The following HEATR3 variants were observed in gnomAD, a reference collection of about 807,000 sequenced individuals.
The protein encoded by HEATR3 is HEAT repeat-containing protein 3.
A neutral mutation model predicts 72.8 loss-of-function variants in HEATR3; 56 were observed. The ratio of observed to expected loss-of-function variants is 0.77; its 90% confidence interval spans 0.62 to 0.96. The LOEUF (loss-of-function observed/expected upper bound fraction) is 0.96. HEATR3 is among the 40% of genes least tolerant of loss of function. HEATR3 has a pLI of 0.00. For synonymous variants in HEATR3, 331 were observed against 318.1 expected (o/e 1.04, Z -0.43); for missense variants, 747 against 831.4 (o/e 0.90, Z 1.25).
intron 11 of HEATR3, among the ~76,000 whole-genome samples, chr16:50,091,540 A>G (rs2037111255): frequency 6.6e-6 from 1 of 152,102 alleles, no homozygotes; most frequent in African/African-American, 2.4e-5. Flanking sequence ...TTGTGGGTTG[A>G]TGATGTACCT....
intron 11 of HEATR3, among the ~76,000 whole-genome samples, chr16:50,092,923 T>C (rs575965167): frequency 5.3e-5 from 8 of 152,310 alleles, no homozygotes; most frequent in African/African-American, 1.2e-4. Context: ...CAGAATGATA[T>C]GAGGCGTTAC....
chr16:50,105,059 TAAAC>T lies in HEATR3; in HGVS notation c.*1_*4del, dbSNP rs777013978. ...AACTGTTGAGAAAAGACTGACTTCTTAAACAATCCAAAAAAGAAACCAGTTCTTC... is the reference window on the plus strand; with the variant it reads ...AACTGTTGAGAAAAGACTGACTTCTTAATCCAAAAAAGAAACCAGTTCTTC... On this transcript the variant is annotated stop_retained_variant and 3_prime_UTR_variant, in exon 15 of 15. Coordinates refer to ENST00000299192, the MANE Select transcript of HEATR3 (RefSeq NM_182922.4). 1.8e-5 allele frequency: 29 copies of T among 1,608,596 alleles called. No homozygotes were observed. The highest frequency in any genetic ancestry group is 2.3e-5 in the Non-Finnish European group (27 of 1,178,800).
At chr16:50,085,335 A>G (rs2036965689) in intron 10 of HEATR3, among the ~76,000 whole-genome samples, 1 of 152,188 alleles carries the variant, frequency 6.6e-6, no homozygotes, top group Non-Finnish European at 1.5e-5. Flanking sequence ...ACAATTAAAA[A>G]TAATTTTAGG....
rs112399980 is a variant in HEATR3 at position 50,084,104 on chromosome 16, C to A, written c.1133-30C>A. On this transcript the variant is annotated intron_variant, in intron 8 of 14. Transcript: ENST00000299192. Reference sequence around the variant, plus strand: ...TCCCGTGGAGATTTTCTTAACTATTCCAGTTCTGCGTGGTTTGCCCGCTTC... The same window carrying A: ...TCCCGTGGAGATTTTCTTAACTATTACAGTTCTGCGTGGTTTGCCCGCTTC... 181 of 1,614,092 alleles carry A rather than the reference C, an allele frequency of 1.1e-4. No individual in the cohort carries two copies. In the African/African-American group the frequency reaches 1.9e-3, roughly 17 times the overall value.
intron 14 of HEATR3, among the ~76,000 whole-genome samples, chr16:50,103,340 G>T (rs555336257): frequency 1.3e-5 from 2 of 152,318 alleles, no homozygotes; most frequent in South Asian, 2.1e-4. Context: ...AAGGTATAAA[G>T]CTCTAATGAG....
intron 10 of HEATR3, among the ~76,000 whole-genome samples, chr16:50,085,980 A>T (rs1044109779): frequency 1.3e-5 from 2 of 152,048 alleles, no homozygotes; most frequent in African/African-American, 2.4e-5. Flanking sequence ...GCGAGCTGTG[A>T]TCACACCACT....
intron 11 of HEATR3, among the ~76,000 whole-genome samples, chr16:50,093,596 T>C (rs943027296): frequency 6.6e-6 from 1 of 152,208 alleles, no homozygotes; most frequent in African/African-American, 2.4e-5. Context: ...TGAAGAATTA[T>C]CTGGTCCAAA....
intron 11 of HEATR3, among the ~76,000 whole-genome samples, chr16:50,093,890 A>G (rs1419467886): frequency 6.6e-6 from 1 of 152,214 alleles, no homozygotes; most frequent in Non-Finnish European, 1.5e-5. Context: ...GTCACTTTGT[A>G]TTCTGTTGGT....
intron 12 of HEATR3, 69 bp downstream of exon 12, chr16:50,094,862 T>C: frequency 1.3e-6 from 1 of 789,740 alleles, no homozygotes; most frequent in Non-Finnish European, 2.1e-6. Context: ...AATTCATTAC[T>C]TCACTATTTT....
intron 2 of HEATR3, 80 bp from the exon 3 acceptor site, chr16:50,068,700 A>G (rs1057276238): frequency 4.1e-6 from 4 of 973,396 alleles, no homozygotes; most frequent in Non-Finnish European, 5.8e-6. Context: ...AAATATGGCT[A>G]AAAATAGAAA....
At chr16:50,081,295 G>C (rs1368261361) in intron 7 of HEATR3, among the ~76,000 whole-genome samples, 1 of 151,974 alleles carries the variant, frequency 6.6e-6, no homozygotes, top group Non-Finnish European at 1.5e-5. Flanking sequence ...CAAAAATTAG[G>C]TAGGTGTGGT....
chr16:50,084,445 C>A, intron 9 of HEATR3, 124 bp from the exon 10 acceptor site: 1 of 1,135,662 alleles, frequency 8.8e-7, no homozygotes. Context: ...TGGAAATAGG[C>A]GAAAAGGTCA....
At position 50,094,741 on chromosome 16, in the gene HEATR3, G is replaced by A. The variant is rs759001155; in HGVS notation, c.1547G>A (p.Ser516Asn). Residue 516 changes from serine (S) to asparagine (N), a missense_variant, in exon 12 of 15, where the codon AGT becomes AAT. Physicochemically the swap from Ser to Asn is conservative, Grantham distance 46 (BLOSUM62 1). Around this residue, in one of 2 missense-constraint regions of HEATR3, gnomAD observed 586 missense variants for 708.8 expected, o/e 0.83. Transcript: ENST00000299192. ...CATGTTGACTTTCTAGAAGCCATAAGTAGTGCTTTGAGGGCCCTTTTGCAA... is the reference window on the plus strand; with the variant it reads ...CATGTTGACTTTCTAGAAGCCATAAATAGTGCTTTGAGGGCCCTTTTGCAA... ...AKHVDFLEAI[S>N]SALRALLQTM... The A allele has an allele frequency of 3.1e-6, 5 of 1,593,788 alleles. No individual in the cohort carries two copies. The highest frequency in any genetic ancestry group is 1.8e-4 in the Middle Eastern group (1 of 5,500).
chr16:50,081,685 T>A (rs977672921), intron 7 of HEATR3, among the ~76,000 whole-genome samples: 2 of 152,172 alleles, frequency 1.3e-5, no homozygotes, highest in Non-Finnish European at 2.9e-5. Flanking sequence ...CTATCCAGTG[T>A]CTTCTGCAGC....
intron 4 of HEATR3, among the ~76,000 whole-genome samples, chr16:50,071,704 G>GTAGA (rs1379581498): frequency 6.6e-6 from 1 of 152,146 alleles, no homozygotes; most frequent in Non-Finnish European, 1.5e-5. Flanking sequence ...AGGTAGGTAG[G>GTAGA]TAGATAGAAG....
chr16:50,074,277 G>T (rs1013191183), intron 5 of HEATR3: 2 of 151,988 alleles, frequency 1.3e-5, no homozygotes, highest in East Asian at 1.9e-4. Context: ...AAGGAAGCCA[G>T]ACGTCCCAAA....
chr16:50,097,658 T>TA (rs1232037368), intron 12 of HEATR3, among the ~76,000 whole-genome samples: 1 of 152,140 alleles, frequency 6.6e-6, no homozygotes, highest in East Asian at 1.9e-4. Context: ...CTCATGCCTG[T>TA]AATCCCAACA....
chr16:50,091,510 A>G (rs183172257), intron 11 of HEATR3, among the ~76,000 whole-genome samples: 1 of 152,104 alleles, frequency 6.6e-6, no homozygotes, highest in East Asian at 1.9e-4. Flanking sequence ...AGTCTGAAAA[A>G]TTCACCTGAG....
chr16:50,070,165 T>G lies in HEATR3; in HGVS notation c.400-13T>G. The G allele has an allele frequency of 2.2e-6, 3 of 1,372,272 alleles. No individual in the cohort carries two copies. The allele number at this position is 1,372,272 out of a possible 1,614,324, so 85.0% of individuals were successfully genotyped here. A position where few individuals can be genotyped will look rare whatever the true frequency, so the allele number is the denominator to read the frequency against. On this transcript the variant is annotated splice_polypyrimidine_tract_variant and intron_variant, in intron 3 of 14. Coordinates refer to ENST00000299192, the MANE Select transcript of HEATR3 (RefSeq NM_182922.4). ...TTAGGAACCAGGGTGCTAATCATGA[T>G]ATTTGGTTACAGTGTAGTGCTGGAC... is the stretch of plus-strand genomic sequence containing the variant.
Sources: allele counts gnomAD v4.1 joint callset (sites outside exome capture counted in the v4.1 genomes callset), GRCh38; gene constraint gnomAD v4.1.1; regional missense constraint gnomAD v4.1.1; transcripts MANE v1.5; gene names NCBI Gene and HGNC (gene_info 2026-07-23, HGNC 2026-07-21).